FAM184B: variants seen among roughly 807,000 people sequenced by gnomAD.
FAM184B encodes the protein family with sequence similarity 184 member B.
Under a neutral mutation model 135.9 loss-of-function variants are expected in FAM184B, and 111 were observed. That is an observed-to-expected ratio of 0.82 (90% confidence interval 0.70 to 0.96). The LOEUF (loss-of-function observed/expected upper bound fraction) is 0.96. Among genes scored for constraint, FAM184B ranks in the 40% least tolerant of loss-of-function variants. FAM184B has a pLI of 0.00. For synonymous variants in FAM184B, 552 were observed against 524.8 expected (o/e 1.05, Z -0.71); for missense variants, 1,375 against 1,323.9 (o/e 1.04, Z -0.60).
intron 10 of FAM184B, among the ~76,000 whole-genome samples, chr4:17,655,203 C>T (rs1045529365): frequency 8.5e-5 from 13 of 152,204 alleles, no homozygotes; most frequent in African/African-American, 3.1e-4. Context: ...CTGATACCTT[C>T]CTCCTCTTTC....
intron 1 of FAM184B, among the ~76,000 whole-genome samples, chr4:17,713,523 G>T (rs914905471): frequency 2.6e-5 from 4 of 152,226 alleles, no homozygotes; most frequent in Non-Finnish European, 5.9e-5. Flanking sequence ...GTTAATAACA[G>T]ATACCATTTT....
At chr4:17,636,468 C>G (rs1189311726) in intron 15 of FAM184B, 60 bp downstream of exon 15, 7 of 1,330,004 alleles carry the variant, frequency 5.3e-6, no homozygotes, top group Non-Finnish European at 7.4e-6. Context: ...AACGCCCCTC[C>G]CGGGGGAGCC....
At chr4:17,768,225 A>C (rs755186458) in intron 1 of FAM184B, among the ~76,000 whole-genome samples, 16 of 152,248 alleles carry the variant, frequency 1.1e-4, no homozygotes, top group Non-Finnish European at 1.3e-4. Context: ...TGGAACTCAT[A>C]TAAAAATGGG....
intron 1 of FAM184B, among the ~76,000 whole-genome samples, chr4:17,714,498 G>A (rs939347728): frequency 6.6e-6 from 1 of 152,078 alleles, no homozygotes; most frequent in Non-Finnish European, 1.5e-5. Context: ...CAGGAACACT[G>A]TCTGTCATTG....
rs543545836 is a variant in FAM184B at position 17,712,489 on chromosome 4, G to A, written c.142-2845C>T. Among the ~76,000 whole-genome samples the A allele has an allele frequency of 7.2e-5, 11 of 152,262 alleles. No individual in the cohort carries two copies. The East Asian group carries it at 1.4e-3, about 19-fold the overall frequency. On this transcript the variant is annotated intron_variant, in intron 1 of 17. Coordinates refer to ENST00000265018, the MANE Select transcript of FAM184B (RefSeq NM_015688.2). ...GACTCCCCATCACACCCTTTCACACGGACTTTTAGCCTTTGTGGGTTGCTG... is the reference window on the plus strand; with the variant it reads ...GACTCCCCATCACACCCTTTCACACAGACTTTTAGCCTTTGTGGGTTGCTG...
chr4:17,651,903 G>A (rs2108937069), intron 11 of FAM184B, among the ~76,000 whole-genome samples: 2 of 152,222 alleles, frequency 1.3e-5, no homozygotes, highest in East Asian at 3.9e-4. Flanking sequence ...AGAGTTTTGT[G>A]CTGGGGATGA....
At chr4:17,758,404 T>G (rs1181523433) in intron 1 of FAM184B, among the ~76,000 whole-genome samples, 3 of 152,232 alleles carry the variant, frequency 2.0e-5, no homozygotes, top group Non-Finnish European at 2.9e-5. Flanking sequence ...TATGGACTCA[T>G]GCATCCTAGA....
At chr4:17,728,688 A>G (rs1717698459) in intron 1 of FAM184B, among the ~76,000 whole-genome samples, 1 of 152,150 alleles carries the variant, frequency 6.6e-6, no homozygotes, top group Non-Finnish European at 1.5e-5. Flanking sequence ...TCAGACTCAG[A>G]GGTGGTATTT....
In FAM184B at chr4:17,642,194, G is replaced by C. The variant is rs887243309; in HGVS notation, c.2381C>G (p.Pro794Arg). ...GCCGGAACCCTGCCCAGCAGCGCCC[G>C]GTGGGGAGCCGGCCTGGCCCGGGCC... ...RGGPGQAGSP[P>R]GAAGQGSGEG... Residue 794 changes from proline to arginine, a missense_variant, in exon 13 of 18, where the codon CCG (proline) becomes CGG (arginine). Transcript: ENST00000265018. 16 of 1,524,138 alleles carry C rather than the reference G, an allele frequency of 1.0e-5. No homozygotes were observed. The African/African-American group carries it at 1.8e-4, about 17-fold the overall frequency. The allele number at this position is 1,524,138 out of a possible 1,614,324, so 94.4% of individuals were successfully genotyped here. A position where few individuals can be genotyped will look rare whatever the true frequency, so the allele number is the denominator to read the frequency against.
At chr4:17,717,267 G>A (rs967357764) in intron 1 of FAM184B, among the ~76,000 whole-genome samples, 1 of 152,120 alleles carries the variant, frequency 6.6e-6, no homozygotes, top group East Asian at 1.9e-4. Flanking sequence ...CTTATTAAAC[G>A]TTTCTTCCTT....
At chr4:17,699,238 C>T (rs1049481619) in intron 5 of FAM184B, among the ~76,000 whole-genome samples, 35 of 151,766 alleles carry the variant, frequency 2.3e-4, no homozygotes, top group African/African-American at 5.1e-4. Flanking sequence ...AATCTGAAAA[C>T]GAAGAGAACC....
At chr4:17,719,992 C>T (rs899287244) in intron 1 of FAM184B, among the ~76,000 whole-genome samples, 37 of 152,136 alleles carry the variant, frequency 2.4e-4, no homozygotes, top group African/African-American at 7.7e-4. Flanking sequence ...TCCTACTGAC[C>T]GCTGACCACT....
chr4:17,777,428 A>G (rs1028842898), intron 1 of FAM184B, among the ~76,000 whole-genome samples: 7 of 152,244 alleles, frequency 4.6e-5, no homozygotes, highest in Non-Finnish European at 8.8e-5. Flanking sequence ...ACAATGTTGA[A>G]CTGAACAATT....
At chr4:17,652,648 G>A (rs1458651450) in intron 11 of FAM184B, among the ~76,000 whole-genome samples, 182 bp downstream of exon 11, 1 of 147,958 alleles carries the variant, frequency 6.8e-6, no homozygotes, top group Non-Finnish European at 1.5e-5. Flanking sequence ...GTGCCTGAGA[G>A]CCTGGAGCCC....
chr4:17,699,658 G>A (rs1716941289), intron 5 of FAM184B, among the ~76,000 whole-genome samples: 1 of 152,012 alleles, frequency 6.6e-6, no homozygotes, highest in Non-Finnish European at 1.5e-5. Context: ...TATGTTGTGA[G>A]TAGGAGTTGA....
chr4:17,723,429 T>A (rs1187780834), intron 1 of FAM184B, among the ~76,000 whole-genome samples: 1 of 152,262 alleles, frequency 6.6e-6, no homozygotes, highest in Non-Finnish European at 1.5e-5. Flanking sequence ...ATGGCTGAAT[T>A]TCTGTGCCCT....
rs796600393 is a variant in FAM184B at position 17,749,883 on chromosome 4, G to A, written c.141+31276C>T. On this transcript the variant is annotated intron_variant, in intron 1 of 17. Transcript: ENST00000265018. ...CGTGGTAAGTATTCTATTTTATTTC[G>A]TCACTTTTAGTATTTACCGTTATAA... Among the ~76,000 whole-genome samples, 57 of 150,906 alleles carry A rather than the reference G, an allele frequency of 3.8e-4. 1 individual carries two copies. Among genetic ancestry groups the A allele is most frequent in the African/African-American group, 1.2e-3 (50 of 41,142 alleles).
At chr4:17,706,024 T>A in intron 3 of FAM184B, 133 bp from the exon 4 acceptor site, 1 of 1,216,874 alleles carries the variant, frequency 8.2e-7, no homozygotes, top group Non-Finnish European at 1.1e-6. Flanking sequence ...TCCTGCCCTG[T>A]GGTCTGCTGA....
intron 12 of FAM184B, among the ~76,000 whole-genome samples, chr4:17,644,772 T>A (rs772561299): frequency 1.4e-4 from 21 of 152,116 alleles, no homozygotes; most frequent in Non-Finnish European, 3.1e-4. Context: ...GGTATTCAAT[T>A]AGGAAAAGAG....
Sources: gnomAD v4.1 joint callset for allele counts (sites outside exome capture counted in the v4.1 genomes callset) on GRCh38, gnomAD v4.1.1 for gene constraint, MANE v1.5 for transcripts, NCBI Gene and HGNC (gene_info 2026-07-23, HGNC 2026-07-21) for gene names.